Variants in AUH observed in about 807,000 individuals in gnomAD.
The protein encoded by AUH is methylglutaconyl-CoA hydratase, mitochondrial.
Under a neutral mutation model 42.3 loss-of-function variants are expected in AUH, and 29 were observed. That is an observed-to-expected ratio of 0.69 (90% CI 0.51 to 0.93). The LOEUF is 0.93. Among genes scored for constraint, AUH ranks in the 40% least tolerant of loss-of-function variants. The pLI is 0.00. For synonymous variants in AUH, 174 were observed against 166.4 expected (o/e 1.05, Z -0.35); for missense variants, 452 against 438.1 (o/e 1.03, Z -0.28).
chr9:91,325,094 A>G (rs1435392110), intron 4 of AUH, among the ~76,000 whole-genome samples: 5 of 152,142 alleles, frequency 3.3e-5, no homozygotes, highest in Non-Finnish European at 5.9e-5. Flanking sequence ...TGTCTAATAA[A>G]TAAATACCTT....
intron 3 of AUH, 32 bp from the exon 4 acceptor site, chr9:91,325,436 AGTT>A: frequency 6.3e-7 from 1 of 1,584,074 alleles, no homozygotes; most frequent in Non-Finnish European, 8.7e-7. Flanking sequence ...AATATAATCT[AGTT>A]GTAAACAAAA....
chr9:91,280,256 C>G (rs967546219), intron 6 of AUH, among the ~76,000 whole-genome samples: 1 of 152,184 alleles, frequency 6.6e-6, no homozygotes, highest in Non-Finnish European at 1.5e-5. Flanking sequence ...AAAGGTAGGT[C>G]TTTCAACATC....
intron 6 of AUH, among the ~76,000 whole-genome samples, chr9:91,279,029 T>A (rs1343411031): frequency 6.6e-6 from 1 of 152,228 alleles, no homozygotes; most frequent in Admixed American, 6.5e-5. Context: ...TTCTTCATTA[T>A]CTTGGTTATG....
intron 4 of AUH, among the ~76,000 whole-genome samples, chr9:91,311,268 T>C (rs544432333): frequency 1.4e-4 from 21 of 152,114 alleles, no homozygotes; most frequent in South Asian, 2.1e-4. Flanking sequence ...AAGAAAAAAA[T>C]TGTTAAATAC....
At chr9:91,343,277 C>G (rs1255737189) in intron 3 of AUH, 1 of 151,850 alleles carries the variant, frequency 6.6e-6, no homozygotes, top group Non-Finnish European at 1.5e-5. Context: ...TAAACTTCCA[C>G]CTTAGGAAGC....
intron 3 of AUH, among the ~76,000 whole-genome samples, chr9:91,339,102 T>C (rs558153779): frequency 2.0e-5 from 3 of 152,336 alleles, no homozygotes; most frequent in African/African-American, 7.2e-5. Flanking sequence ...ATTACAGTAT[T>C]ACATACCTTC....
intron 6 of AUH, among the ~76,000 whole-genome samples, chr9:91,291,193 C>A (rs192518749): frequency 3.3e-5 from 5 of 152,086 alleles, no homozygotes; most frequent in Admixed American, 3.3e-4. Context: ...TTATAAGGAC[C>A]CCTTGTCTTT....
intron 6 of AUH, among the ~76,000 whole-genome samples, chr9:91,224,082 C>G (rs1554689983): frequency 1.3e-5 from 2 of 152,170 alleles, no homozygotes; most frequent in Non-Finnish European, 2.9e-5. Flanking sequence ...TCAGCAGCAG[C>G]AGCCGATTAA....
chr9:91,256,853 C>A lies in AUH; in HGVS notation c.656-35861G>T, dbSNP rs548061869. 1.8e-4 allele frequency among the ~76,000 whole-genome samples: 27 copies of A among 152,156 alleles called. 1 individual carries two copies. In the South Asian group the frequency reaches 5.2e-3, roughly 29 times the overall value. On this transcript the variant is annotated intron_variant, in intron 6 of 9. Coordinates refer to ENST00000375731, the MANE Select transcript of AUH (RefSeq NM_001698.3). ...AGGTACCTGGGCTGCAGCTACCTTGCCAGACCCTTACACAGAGAGACAGCC... is the reference window on the plus strand; with the variant it reads ...AGGTACCTGGGCTGCAGCTACCTTGACAGACCCTTACACAGAGAGACAGCC...
At chr9:91,332,005 A>T (rs1830362981) in intron 3 of AUH, among the ~76,000 whole-genome samples, 1 of 152,376 alleles carries the variant, frequency 6.6e-6, no homozygotes, top group Non-Finnish European at 1.5e-5. Flanking sequence ...TATTGCTAAA[A>T]GAATTTTGAA....
At chr9:91,298,101 C>G (rs1160842288) in intron 4 of AUH, 25 bp from the exon 5 acceptor site, 1 of 1,541,738 alleles carries the variant, frequency 6.5e-7, no homozygotes, top group Non-Finnish European at 9.0e-7. Context: ...AAATTTTATG[C>G]TTCCTTAATA....
intron 3 of AUH, among the ~76,000 whole-genome samples, chr9:91,339,163 T>C (rs963473441): frequency 6.6e-6 from 1 of 152,196 alleles, no homozygotes; most frequent in Non-Finnish European, 1.5e-5. Context: ...TGGGGTTATA[T>C]CCCAATAAAC....
chr9:91,358,368 G>A (rs1282523094), intron 1 of AUH, among the ~76,000 whole-genome samples: 3 of 152,178 alleles, frequency 2.0e-5, no homozygotes, highest in Non-Finnish European at 4.4e-5. Context: ...TAAGAATGCA[G>A]GCTCTAAGGT....
At chr9:91,272,061 G>T (rs1021286275) in intron 6 of AUH, among the ~76,000 whole-genome samples, 1 of 152,134 alleles carries the variant, frequency 6.6e-6, no homozygotes, top group Admixed American at 6.5e-5. Flanking sequence ...GGCATCAAAT[G>T]CTTTTGTATG....
chr9:91,298,479 C>G (rs943402843), intron 4 of AUH, among the ~76,000 whole-genome samples: 10 of 152,208 alleles, frequency 6.6e-5, no homozygotes, highest in Non-Finnish European at 1.2e-4. Flanking sequence ...TTATGGGCTA[C>G]TTCAGTGCTT....
intron 6 of AUH, among the ~76,000 whole-genome samples, chr9:91,274,586 A>G (rs889584260): frequency 2.0e-5 from 3 of 152,246 alleles, no homozygotes; most frequent in African/African-American, 7.2e-5. Context: ...GTATAACTGC[A>G]AAGTCAAGTG....
intron 3 of AUH, among the ~76,000 whole-genome samples, chr9:91,338,255 G>A (rs1478355997): frequency 3.3e-5 from 5 of 152,142 alleles, no homozygotes; most frequent in African/African-American, 4.8e-5. Context: ...GGCCTACTTC[G>A]AGGCTTCTTT....
chr9:91,341,363 T>C (rs1162519323), intron 3 of AUH, among the ~76,000 whole-genome samples: 1 of 152,172 alleles, frequency 6.6e-6, no homozygotes, highest in African/African-American at 2.4e-5. Context: ...ACATCCCTTG[T>C]GGTAGCAGGT....
At chr9:91,253,712 GCAGTTTCTGTA>G (rs1829258181) in intron 6 of AUH, among the ~76,000 whole-genome samples, 2 of 152,224 alleles carry the variant, frequency 1.3e-5, no homozygotes, top group Non-Finnish European at 2.9e-5. Context: ...GCTCACTGAA[GCAGTTTCTGTA>G]CCCCCTTGTG....
Sources: gnomAD v4.1 joint callset for allele counts (sites outside exome capture counted in the v4.1 genomes callset) on GRCh38, gnomAD v4.1.1 for gene constraint, MANE v1.5 for transcripts, NCBI Gene and HGNC (gene_info 2026-07-23, HGNC 2026-07-21) for gene names.